Variants in ZMYM2 observed in about 807,000 individuals in gnomAD.
ZMYM2 encodes the protein zinc finger MYM-type containing 2, also known as zinc finger MYM-type protein 2.
Under a neutral mutation model 162.8 loss-of-function variants are expected in ZMYM2, and 56 were observed. The ratio of observed to expected loss-of-function variants is 0.34; its 90% CI spans 0.28 to 0.43. The LOEUF (loss-of-function observed/expected upper bound fraction) is 0.43. Ranked by LOEUF, ZMYM2 falls within the 20% of genes least tolerant of loss-of-function variation. ZMYM2 has a pLI of 1.00. For synonymous variants in ZMYM2, 510 were observed against 541.6 expected (o/e 0.94, Z 0.81); for missense variants, 1,275 against 1,621.8 (o/e 0.79, Z 3.67).
the ZMYM2 span, among the ~76,000 whole-genome samples, chr13:19,932,980 A>C: frequency 6.6e-6 from 1 of 152,060 alleles, no homozygotes; most frequent in Non-Finnish European, 1.5e-5. Context: ...GACAGGTCTC[A>C]TTCTGTCACC....
At chr13:19,903,588 C>T in the ZMYM2 span, among the ~76,000 whole-genome samples, 7 of 151,252 alleles carry the variant, frequency 4.6e-5, no homozygotes, top group South Asian at 2.1e-4. Flanking sequence ...AAAAAGAGGC[C>T]GAAGTGTGAT....
At chr13:19,872,871 T>C in the ZMYM2 span, among the ~76,000 whole-genome samples, 1 of 151,846 alleles carries the variant, frequency 6.6e-6, no homozygotes, top group Admixed American at 6.6e-5. Flanking sequence ...TGGTGGTGCA[T>C]GCCTGGAATC....
At chr13:20,025,433 G>A in intron 7 of ZMYM2, 1 of 174,578 alleles carries the variant, frequency 5.7e-6, no homozygotes. Flanking sequence ...ATGGGGTCTT[G>A]CTGTGTTGCC....
intron 6 of ZMYM2, among the ~76,000 whole-genome samples, chr13:20,014,771 T>TG (rs1018850378): frequency 6.7e-6 from 1 of 148,988 alleles, no homozygotes; most frequent in Non-Finnish European, 1.5e-5. Context: ...GGTTTTTTTT[T>TG]TTTTTTTTTT....
chr13:19,992,446 A>C (rs1041172478), intron 2 of ZMYM2, among the ~76,000 whole-genome samples: 1 of 152,150 alleles, frequency 6.6e-6, no homozygotes, highest in Non-Finnish European at 1.5e-5. Context: ...GATGGCCTGT[A>C]GTCCCAGCTA....
intron 3 of ZMYM2, among the ~76,000 whole-genome samples, chr13:20,001,018 A>G (rs538303884): frequency 6.6e-6 from 1 of 152,342 alleles, no homozygotes; most frequent in South Asian, 2.1e-4. Flanking sequence ...CTCATGAATG[A>G]TGGTGAAGGG....
chr13:19,993,716 C>T lies in ZMYM2; in HGVS notation c.644C>T (p.Thr215Ile). ...TDGRDMNLMI[T>I]HVTSLQNTNL... ...GGGCGAGATATGAACTTAATGATTA[C>T]ACATGTAACATCACTGCAGAATACC... The change falls in exon 3 of 25, where the codon ACA becomes ATA. Residue 215 changes from threonine to isoleucine, a missense_variant. Physicochemically the swap from Thr to Ile is moderately conservative, Grantham distance 89. Coordinates refer to ENST00000610343, the MANE Select transcript of ZMYM2 (RefSeq NM_197968.4). The T allele has an allele frequency of 6.2e-7, 1 of 1,613,958 alleles. No individual in the cohort carries two copies. The highest frequency in any genetic ancestry group is 8.5e-7 in the Non-Finnish European group (1 of 1,179,880).
chr13:19,998,974 A>C (rs985995030), intron 3 of ZMYM2, among the ~76,000 whole-genome samples: 6 of 152,324 alleles, frequency 3.9e-5, no homozygotes, highest in African/African-American at 1.4e-4. Context: ...GGTAACCTGA[A>C]AAGTTTCAAA....
chr13:20,004,957 C>G, intron 4 of ZMYM2, 117 bp from the exon 5 acceptor site: 1 of 723,588 alleles, frequency 1.4e-6, no homozygotes, highest in Non-Finnish European at 2.1e-6. Context: ...TTTATTAGAT[C>G]CAAGAATGAT....
At chr13:19,890,023 T>A in the ZMYM2 span, among the ~76,000 whole-genome samples, 1 of 151,840 alleles carries the variant, frequency 6.6e-6, no homozygotes, top group Non-Finnish European at 1.5e-5. Context: ...GGACTACACC[T>A]CAAACTGCCA....
chr13:19,971,260 ATATTTTTTT>A (rs1210233478), intron 2 of ZMYM2, among the ~76,000 whole-genome samples: 5 of 103,072 alleles, frequency 4.9e-5, no homozygotes, highest in Non-Finnish European at 7.8e-5. Flanking sequence ...ATATATATAT[ATATTTTTTT>A]TTTTTTTTTT....
chr13:19,877,228 AC>A, the ZMYM2 span, among the ~76,000 whole-genome samples: 2 of 151,442 alleles, frequency 1.3e-5, no homozygotes. Context: ...AAAAAAAAAA[AC>A]AAAGAAGTTT....
the ZMYM2 span, among the ~76,000 whole-genome samples, chr13:19,891,084 C>T: frequency 1.3e-5 from 2 of 151,888 alleles, no homozygotes; most frequent in East Asian, 3.9e-4. Flanking sequence ...ACGTTGAAGC[C>T]CTGACACCCA....
the ZMYM2 span, among the ~76,000 whole-genome samples, chr13:19,895,205 A>G: frequency 7.9e-5 from 12 of 151,690 alleles, no homozygotes; most frequent in Non-Finnish European, 1.8e-4. Context: ...CCTTGATTGT[A>G]GGAATGTGAA....
chr13:19,915,253 G>C, the ZMYM2 span, among the ~76,000 whole-genome samples: 1 of 151,374 alleles, frequency 6.6e-6, no homozygotes, highest in Non-Finnish European at 1.5e-5. Context: ...GAGCCACCAT[G>C]CCCAGGCTTT....
chr13:19,991,836 C>T (rs531084468), intron 2 of ZMYM2, among the ~76,000 whole-genome samples: 69 of 151,764 alleles, frequency 4.5e-4, no homozygotes, highest in African/African-American at 1.5e-3. Flanking sequence ...TGTCATGTTG[C>T]CCAGGCTGGT....
chr13:20,024,803 C>T, intron 7 of ZMYM2: 1 of 214,854 alleles, frequency 4.7e-6, no homozygotes, highest in Non-Finnish European at 9.4e-6. Context: ...CATTCTTTTG[C>T]AGTTGACAAA....
rs766496961 is a variant in ZMYM2, at chr13:20,059,572, AT to A, written c.2739+14del. 3.5e-5 allele frequency: 38 copies of A among 1,091,456 alleles called. No individual in the cohort carries two copies. In the African/African-American group the frequency reaches 5.6e-4, roughly 16 times the overall value. 67.6% of individuals were successfully genotyped at this position (1,091,456 alleles called of 1,614,324 possible). A position where few individuals can be genotyped will look rare whatever the true frequency, so the allele number is the denominator to read the frequency against. ...TACAGTTCCTGTTCCTGTAAGTCAC[AT>A]TTTAAGTTCTTTCTCATTTTGAGAT... On this transcript the variant is annotated intron_variant, in intron 16 of 24. Coordinates refer to ENST00000610343, the MANE Select transcript of ZMYM2 (RefSeq NM_197968.4).
the ZMYM2 span, among the ~76,000 whole-genome samples, chr13:19,865,276 G>A: frequency 6.6e-6 from 1 of 152,190 alleles, no homozygotes; most frequent in African/African-American, 2.4e-5. Context: ...AACGTTTTAA[G>A]AAAATTTACA....
Sources: gnomAD v4.1 joint callset for allele counts (sites outside exome capture counted in the v4.1 genomes callset) on GRCh38, gnomAD v4.1.1 for gene constraint, MANE v1.5 for transcripts, NCBI Gene and HGNC (gene_info 2026-07-23, HGNC 2026-07-21) for gene names.